JAZF1: variants seen among roughly 807,000 people sequenced by gnomAD.
JAZF1 encodes the protein JAZF zinc finger 1.
A neutral mutation model predicts 26.4 loss-of-function variants in JAZF1; 8 were observed. That is an observed-to-expected ratio of 0.30 (90% CI 0.18 to 0.55). The LOEUF (loss-of-function observed/expected upper bound fraction) is 0.55, where lower values mean the gene tolerates loss of function less well. Among genes scored for constraint, JAZF1 ranks in the 20% least tolerant of loss-of-function variants. The pLI is 0.94. For missense variants in JAZF1, 199 were observed against 322.0 expected (o/e 0.62, Z 2.92); for synonymous variants, 126 against 122.3 (o/e 1.03, Z -0.20).
At chr7:27,930,608 T>A (rs1275725713) in intron 2 of JAZF1, among the ~76,000 whole-genome samples, 1 of 152,228 alleles carries the variant, frequency 6.6e-6, no homozygotes, top group African/African-American at 2.4e-5. Flanking sequence ...ATTGGTTTTG[T>A]GATATATTTT....
intron 2 of JAZF1, among the ~76,000 whole-genome samples, chr7:27,984,742 T>A (rs963093717): frequency 2.6e-5 from 4 of 152,166 alleles, no homozygotes; most frequent in African/African-American, 9.7e-5. Context: ...ACAGAAATTA[T>A]AACAAACTGT....
intron 1 of JAZF1, among the ~76,000 whole-genome samples, chr7:28,032,558 C>A (rs1398650445): frequency 6.6e-6 from 1 of 152,118 alleles, no homozygotes; most frequent in Non-Finnish European, 1.5e-5. Flanking sequence ...GTCAAGCCCA[C>A]TCCCTCATTT....
At chr7:28,139,939 G>C (rs573779731) in intron 1 of JAZF1, among the ~76,000 whole-genome samples, 133 of 152,246 alleles carry the variant, frequency 8.7e-4, no homozygotes, top group Non-Finnish European at 1.2e-3. Context: ...TGTATTTGGG[G>C]AACAGGGAAG....
chr7:28,148,199 T>C (rs1313342646), intron 1 of JAZF1, among the ~76,000 whole-genome samples: 2 of 152,096 alleles, frequency 1.3e-5, no homozygotes, highest in Middle Eastern at 3.4e-3. Flanking sequence ...GCTTCCCGAG[T>C]AGCTGGGATT....
intron 2 of JAZF1, among the ~76,000 whole-genome samples, chr7:27,990,829 C>T (rs1268811860): frequency 6.6e-6 from 1 of 152,118 alleles, no homozygotes; most frequent in Non-Finnish European, 1.5e-5. Context: ...TGAAGGCGTT[C>T]TATTTAACAC....
chr7:27,890,503 A>C (rs1191168836), intron 3 of JAZF1, among the ~76,000 whole-genome samples: 1 of 152,166 alleles, frequency 6.6e-6, no homozygotes, highest in Non-Finnish European at 1.5e-5. Flanking sequence ...TGGTATAATA[A>C]AGTTTAAAAA....
intron 1 of JAZF1, among the ~76,000 whole-genome samples, chr7:28,019,951 A>T (rs935247310): frequency 6.6e-6 from 1 of 152,126 alleles, no homozygotes; most frequent in Non-Finnish European, 1.5e-5. Context: ...TCTTCATCAG[A>T]ATAATGGGTG....
At chr7:28,024,022 A>G (rs1783049682) in intron 1 of JAZF1, among the ~76,000 whole-genome samples, 1 of 152,116 alleles carries the variant, frequency 6.6e-6, no homozygotes, top group African/African-American at 2.4e-5. Flanking sequence ...ACAGTGGCTC[A>G]TGCCTGACAT....
chr7:27,872,597 G>T lies in JAZF1; in HGVS notation c.385+22623C>A, dbSNP rs572700210. 2.6e-5 allele frequency among the ~76,000 whole-genome samples: 4 copies of T among 152,230 alleles called. No homozygotes were observed. In the South Asian group the frequency reaches 8.3e-4, roughly 32 times the overall value. On this transcript the variant is annotated intron_variant, in intron 3 of 4. Transcript: ENST00000283928. The stretch of plus-strand genomic sequence containing the variant: ...TGTTTAAAGATTTCTCTCTCCACAT[G>T]TTCAAGAAAGAATTAAAAACAGTTG...
At chr7:27,971,348 A>G (rs1785373012) in intron 2 of JAZF1, among the ~76,000 whole-genome samples, 2 of 152,126 alleles carry the variant, frequency 1.3e-5, no homozygotes, top group Admixed American at 1.3e-4. Context: ...CTTACAGGGG[A>G]TATGCCGCTG....
At chr7:27,956,756 A>G (rs1308647887) in intron 2 of JAZF1, among the ~76,000 whole-genome samples, 2 of 152,184 alleles carry the variant, frequency 1.3e-5, no homozygotes, top group East Asian at 3.9e-4. Flanking sequence ...CTCACCTCAC[A>G]GTTCTGGCTA....
At chr7:27,868,359 C>A (rs144609333) in intron 3 of JAZF1, among the ~76,000 whole-genome samples, 3 of 152,314 alleles carry the variant, frequency 2.0e-5, no homozygotes, top group East Asian at 3.9e-4. Context: ...TGCCGTTCCC[C>A]GGTCCTCACC....
intron 1 of JAZF1, among the ~76,000 whole-genome samples, chr7:28,110,069 C>T (rs1029412740): frequency 1.3e-5 from 2 of 152,032 alleles, no homozygotes; most frequent in African/African-American, 4.8e-5. Context: ...CATTTGACTC[C>T]TGAAGAGTTA....
intron 1 of JAZF1, among the ~76,000 whole-genome samples, chr7:28,027,055 T>C (rs1275640184): frequency 1.3e-5 from 2 of 152,340 alleles, no homozygotes; most frequent in African/African-American, 4.8e-5. Context: ...AGCTCTGCGC[T>C]CACCACAGAC....
chr7:27,982,118 G>A (rs28516051), intron 2 of JAZF1, among the ~76,000 whole-genome samples: 2,120 of 152,348 alleles, frequency 0.014, 58 homozygotes, highest in African/African-American at 0.049. Context: ...GGGCTTGCCA[G>A]ACAGTGGGTG....
intron 2 of JAZF1, among the ~76,000 whole-genome samples, chr7:27,970,353 A>C (rs1458765817): frequency 6.6e-6 from 1 of 152,182 alleles, no homozygotes; most frequent in Non-Finnish European, 1.5e-5. Context: ...CTGTGATGAC[A>C]CCTTACTCGG....
intron 1 of JAZF1, among the ~76,000 whole-genome samples, chr7:28,099,683 T>A (rs551782839): frequency 1.1e-4 from 16 of 152,096 alleles, no homozygotes; most frequent in African/African-American, 3.9e-4. Flanking sequence ...TCCATGTTGG[T>A]CAGGCTGGTC....
At chr7:27,921,059 G>GA (rs1449140139) in intron 2 of JAZF1, among the ~76,000 whole-genome samples, 2 of 152,182 alleles carry the variant, frequency 1.3e-5, no homozygotes, top group Non-Finnish European at 2.9e-5. Context: ...TTGAAATACT[G>GA]AAAAAATCTG....
chr7:27,914,004 A>G (rs1327931689), intron 2 of JAZF1, among the ~76,000 whole-genome samples: 1 of 152,208 alleles, frequency 6.6e-6, no homozygotes, highest in Non-Finnish European at 1.5e-5. Flanking sequence ...GCTCTTCAGG[A>G]TAAAGATTTA....
Sources: gnomAD v4.1 joint callset for allele counts (sites outside exome capture counted in the v4.1 genomes callset) on GRCh38, gnomAD v4.1.1 for gene constraint, MANE v1.5 for transcripts, NCBI Gene and HGNC (gene_info 2026-07-23, HGNC 2026-07-21) for gene names.